Variants in ANK3 observed in about 807,000 individuals in gnomAD.
ANK3 encodes the protein ankyrin-3.
A neutral mutation model predicts 370.9 loss-of-function variants in ANK3; 57 were observed. The ratio of observed to expected loss-of-function variants is 0.15; its 90% CI spans 0.12 to 0.19. The LOEUF (loss-of-function observed/expected upper bound fraction) is 0.19. Among genes scored for constraint, ANK3 ranks in the 10% least tolerant of loss-of-function variants. The pLI, the probability that ANK3 is intolerant of heterozygous loss-of-function variation, is 1.00. For missense variants in ANK3, 4,439 were observed against 5,302.1 expected (o/e 0.84, Z 5.06); for synonymous variants, 1,929 against 1,946.3 (o/e 0.99, Z 0.23).
chr10:60,050,079 C>T (rs1010168051), intron 42 of ANK3, among the ~76,000 whole-genome samples: 1 of 152,146 alleles, frequency 6.6e-6, no homozygotes, highest in East Asian at 1.9e-4. Context: ...ATCTTGAAGA[C>T]ACTGATTATG....
chr10:60,109,600 C>T (rs2092526440), intron 26 of ANK3, among the ~76,000 whole-genome samples: 1 of 152,078 alleles, frequency 6.6e-6, no homozygotes, highest in Non-Finnish European at 1.5e-5. Context: ...ACTAGATTTG[C>T]TACGGTGATT....
At chr10:60,053,807 G>A (rs1172008874) in intron 42 of ANK3, 4 of 1,140,136 alleles carry the variant, frequency 3.5e-6, no homozygotes, top group Non-Finnish European at 4.7e-6. Context: ...ATTATACTAT[G>A]GTATAGCCAC....
At chr10:60,499,001 T>G (rs2075729218) in intron 2 of ANK3, among the ~76,000 whole-genome samples, 2 of 152,248 alleles carry the variant, frequency 1.3e-5, no homozygotes, top group African/African-American at 4.8e-5. Context: ...CACAGTATCT[T>G]AATCACAATT....
intron 1 of ANK3, among the ~76,000 whole-genome samples, chr10:60,331,643 C>A (rs902313471): frequency 3.3e-5 from 5 of 151,660 alleles, no homozygotes; most frequent in African/African-American, 1.2e-4. Context: ...TTGCTTGAGG[C>A]CTAGAATCTC....
chr10:60,340,139 C>T (rs1814117), intron 1 of ANK3, among the ~76,000 whole-genome samples: 106,075 of 152,030 alleles, frequency 0.7, 38,288 homozygotes, highest in South Asian at 0.91. Flanking sequence ...GGCTAGGGTG[C>T]TCTGTTGCCT....
chr10:60,520,432 A>G (rs905393304), intron 2 of ANK3, among the ~76,000 whole-genome samples: 3 of 152,116 alleles, frequency 2.0e-5, no homozygotes, highest in African/African-American at 2.4e-5. Context: ...ATAAAAGTTG[A>G]ATTTAAAAAA....
intron 1 of ANK3, among the ~76,000 whole-genome samples, chr10:60,327,015 C>CAAA (rs986368110): frequency 7.0e-6 from 1 of 143,026 alleles, no homozygotes; most frequent in African/African-American, 2.7e-5. Flanking sequence ...GACTCCGTCT[C>CAAA]AAAAAAAAAA....
chr10:60,118,218 C>A (rs763827784), intron 25 of ANK3, among the ~76,000 whole-genome samples: 3 of 151,930 alleles, frequency 2.0e-5, no homozygotes, highest in Admixed American at 1.3e-4. Context: ...TATTTAATTG[C>A]ATAACTTTGG....
At position 60,074,310 on chromosome 10, in the gene ANK3, G is replaced by C. The variant is rs140516425; in HGVS notation, c.6571C>G (p.Pro2191Ala). 1.0e-4 allele frequency: 161 copies of C among 1,613,888 alleles called. No homozygotes were observed. Among genetic ancestry groups the C allele is most frequent in the Admixed American group, 2.5e-4 (15 of 59,978 alleles). Residue 2191 changes from proline to alanine, a missense_variant, in exon 37 of 44, where the codon CCT becomes GCT. Around this residue, in one of 13 missense-constraint regions of ANK3, gnomAD observed 1,601 missense variants for 1,731.7 expected, o/e 0.92. Coordinates refer to ENST00000280772, the MANE Select transcript of ANK3 (RefSeq NM_020987.5). ...GTAGGTGAAGGTTTAGGTGACACAG[G>C]CTCCTCTGGTTGGGTCTGGGGAACA... ...GDVPQTQPEEPVSPKPSPTFM... is the reference protein window; with the variant it reads ...GDVPQTQPEEAVSPKPSPTFM...
intron 1 of ANK3, among the ~76,000 whole-genome samples, chr10:60,366,285 A>C (rs2059378200): frequency 6.6e-6 from 1 of 152,190 alleles, no homozygotes. Context: ...GAGAGCTGAG[A>C]TCATGCCACT....
At chr10:60,433,472 A>G (rs1210570795) in intron 2 of ANK3, among the ~76,000 whole-genome samples, 2 of 152,160 alleles carry the variant, frequency 1.3e-5, no homozygotes, top group Admixed American at 1.3e-4. Flanking sequence ...CACAACTATA[A>G]TCACAGCCAT....
intron 43 of ANK3, among the ~76,000 whole-genome samples, chr10:60,041,583 G>A (rs936299742): frequency 3.9e-5 from 6 of 152,178 alleles, no homozygotes; most frequent in South Asian, 2.1e-4. Context: ...TGAAGAGCAC[G>A]CATGAAACAC....
At chr10:60,460,867 C>A (rs530630614) in intron 2 of ANK3, among the ~76,000 whole-genome samples, 2 of 152,222 alleles carry the variant, frequency 1.3e-5, no homozygotes, top group South Asian at 4.1e-4. Flanking sequence ...TAATACTGTA[C>A]ATACATGAGA....
chr10:60,071,593 G>C lies in ANK3; in HGVS notation c.9288C>G (p.Val3096=). The C allele has an allele frequency of 6.2e-7, 1 of 1,613,828 alleles. No homozygotes were observed. The highest frequency in any genetic ancestry group is 2.2e-5 in the East Asian group (1 of 44,862). Residue 3096 remains valine (V), a synonymous_variant, in exon 37 of 44, where the codon GTC becomes GTG. Transcript: ENST00000280772. ...ATTGCTTCCCCACTTGTACAAAACT[G>C]ACATAAACGGGTAAAGTTTTTATCT... is the stretch of plus-strand genomic sequence containing the variant. ...GKEIKTLPVY[V]SFVQVGKQYE... is the part of the protein sequence containing the mutation.
intron 42 of ANK3, chr10:60,053,843 G>T: frequency 1.3e-6 from 1 of 784,678 alleles, no homozygotes; most frequent in Non-Finnish European, 1.7e-6. Context: ...AACATCTTTG[G>T]TTTTCTTGTG....
rs149553540 is a variant in ANK3, at chr10:60,255,425, A to G, written c.798+6434T>C. Among the ~76,000 whole-genome samples the G allele has an allele frequency of 2.3e-3, 347 of 152,368 alleles. 1 individual carries two copies. The highest frequency in any genetic ancestry group is 7.6e-3 in the African/African-American group (315 of 41,584). ...CTTGCACAGAGCCAGGCACATGGTA[A>G]GCACCTGGGGACCAAAGGAAAACCT... is the stretch of plus-strand genomic sequence containing the variant. On this transcript the variant is annotated intron_variant, in intron 7 of 43. Coordinates refer to ENST00000280772, the MANE Select transcript of ANK3 (RefSeq NM_020987.5).
rs182914565 is a variant in ANK3, at chr10:60,217,757, A to G, written c.898-4247T>C. Among the ~76,000 whole-genome samples the G allele has an allele frequency of 2.0e-5, 3 of 152,290 alleles. No homozygotes were observed. The East Asian group carries it at 5.8e-4, about 29-fold the overall frequency. ...TGATTTGGGGTAGAAAGTTCTGTAG[A>G]CGTCTACTAGGTCCACTTTATCCAG... is the stretch of plus-strand genomic sequence containing the variant. On this transcript the variant is annotated intron_variant, in intron 8 of 43. Coordinates refer to ENST00000280772, the MANE Select transcript of ANK3 (RefSeq NM_020987.5).
chr10:60,269,434 A>T (rs556774986), intron 5 of ANK3, among the ~76,000 whole-genome samples: 80 of 152,130 alleles, frequency 5.3e-4, no homozygotes, highest in Non-Finnish European at 9.9e-4. Flanking sequence ...TCACGCGGTC[A>T]GGAGTTCAAG....
At chr10:60,036,647 A>G (rs906883939) in intron 43 of ANK3, among the ~76,000 whole-genome samples, 4 of 151,918 alleles carry the variant, frequency 2.6e-5, no homozygotes, top group African/African-American at 7.3e-5. Context: ...CGTGTTAGCC[A>G]GGATGGTCTA....
Sources: gnomAD v4.1 joint callset for allele counts (sites outside exome capture counted in the v4.1 genomes callset) on GRCh38, gnomAD v4.1.1 for gene constraint, gnomAD v4.1.1 regional missense constraint, MANE v1.5 for transcripts, NCBI Gene and HGNC (gene_info 2026-07-23, HGNC 2026-07-21) for gene names.